UBXN2A: variants seen among roughly 807,000 people sequenced by gnomAD.
UBXN2A encodes UBX domain-containing protein 2A.
A neutral mutation model predicts 28.4 loss-of-function variants in UBXN2A; 28 were observed. The observed-to-expected ratio is 0.99, with a 90% CI of 0.73 to 1.35. The LOEUF is 1.35. Ranked by LOEUF, UBXN2A falls within the 40% of genes most tolerant of loss-of-function variation. The pLI is 0.00. For missense variants in UBXN2A, 253 were observed against 297.9 expected (o/e 0.85, Z 1.11); for synonymous variants, 97 against 103.6 (o/e 0.94, Z 0.39).
Position 23,984,513 on chromosome 2 carries a change from C to G in UBXN2A, c.426-160C>G, listed in dbSNP as rs190129773. Among the ~76,000 whole-genome samples, 22 of 152,170 alleles carry G rather than the reference C, an allele frequency of 1.4e-4. 1 individual carries two copies. In the East Asian group the frequency reaches 4.2e-3, roughly 29 times the overall value. On this transcript the variant is annotated intron_variant, in intron 5 of 6. Transcript: ENST00000309033. ...TCTTAGAACCATCATATATTGTGGA[C>G]ATAAATAATATATCTTTCTGTTATT... is the stretch of plus-strand genomic sequence containing the variant.
chr2:23,966,368 C>T (rs940310954), intron 2 of UBXN2A, among the ~76,000 whole-genome samples: 1 of 151,786 alleles, frequency 6.6e-6, no homozygotes, highest in African/African-American at 2.4e-5. Flanking sequence ...ATCTCTTGAC[C>T]TCGTGATCCG....
rs762603745 is a variant in UBXN2A, at chr2:23,999,911, G to A, written c.*44G>A. 1.9e-6 allele frequency: 3 copies of A among 1,589,804 alleles called. No homozygotes were observed. The highest frequency in any genetic ancestry group is 3.6e-5 in the Admixed American group (2 of 55,316). Reference sequence around the variant, plus strand: ...GAAAATTTGCAGAGAAATGATGGTTGTAAGTGGACATGCAAACCAAAATTG... The same window carrying A: ...GAAAATTTGCAGAGAAATGATGGTTATAAGTGGACATGCAAACCAAAATTG... On this transcript the variant is annotated 3_prime_UTR_variant, in exon 7 of 7. Coordinates refer to ENST00000309033, the MANE Select transcript of UBXN2A (RefSeq NM_181713.4).
At chr2:23,995,612 G>C (rs2150920117) in intron 6 of UBXN2A, among the ~76,000 whole-genome samples, 1 of 150,864 alleles carries the variant, frequency 6.6e-6, no homozygotes, top group African/African-American at 2.4e-5. Context: ...AGAATGGTGT[G>C]AACCCAGGGG....
rs1222861382 is a variant in UBXN2A at position 23,946,061 on chromosome 2, G to A, written c.-15+5413G>A. ...TGGCCAGCCTGGTCTCAAACTCCTG[G>A]CCTCAAGTGATTTGCCCCCTTGGGC... is the stretch of plus-strand genomic sequence containing the variant. On this transcript the variant is annotated intron_variant, in intron 1 of 6. Coordinates refer to ENST00000309033, the MANE Select transcript of UBXN2A (RefSeq NM_181713.4). Among the ~76,000 whole-genome samples the A allele has an allele frequency of 2.6e-5, 4 of 152,066 alleles. No individual in the cohort carries two copies. The East Asian group carries it at 7.7e-4, about 29-fold the overall frequency.
chr2:23,994,937 G>A (rs959173431), intron 6 of UBXN2A, among the ~76,000 whole-genome samples: 4 of 152,184 alleles, frequency 2.6e-5, no homozygotes, highest in African/African-American at 7.2e-5. Context: ...ACCCTTAGAA[G>A]TGGTGAAAAC....
At chr2:23,943,319 T>C (rs937749914) in intron 1 of UBXN2A, among the ~76,000 whole-genome samples, 1 of 152,018 alleles carries the variant, frequency 6.6e-6, no homozygotes, top group Admixed American at 6.6e-5. Context: ...GGGACAAGAA[T>C]GGAAATGAGG....
chr2:23,983,581 AG>A (rs1431458024), intron 5 of UBXN2A, among the ~76,000 whole-genome samples: 1 of 152,176 alleles, frequency 6.6e-6, no homozygotes, highest in African/African-American at 2.4e-5. Context: ...TCAAATCAAA[AG>A]GGCTTGGCTT....
At chr2:23,976,681 C>G (rs1243232834) in intron 3 of UBXN2A, among the ~76,000 whole-genome samples, 2 of 152,146 alleles carry the variant, frequency 1.3e-5, no homozygotes, top group African/African-American at 4.8e-5. Flanking sequence ...TCCCACAACA[C>G]ACGGGAATTC....
chr2:23,995,983 C>T (rs1708515941), intron 6 of UBXN2A, among the ~76,000 whole-genome samples: 1 of 151,342 alleles, frequency 6.6e-6, no homozygotes, highest in Non-Finnish European at 1.5e-5. Context: ...GCAACCTGCA[C>T]CACCTCCCAG....
rs184260806 is a variant in UBXN2A at position 23,957,920 on chromosome 2, G to A, written c.-14-381G>A. On this transcript the variant is annotated intron_variant, in intron 1 of 6. Transcript: ENST00000309033. The stretch of plus-strand genomic sequence containing the variant: ...TGGGATTACAGGCATGAGCCACTGC[G>A]CCTAGCCATTTTTTGTAGAGTCAGT... 3.0e-3 allele frequency among the ~76,000 whole-genome samples: 460 copies of A among 152,208 alleles called. 2 individuals are homozygous for A. The Middle Eastern group carries it at 0.037, about 12-fold the overall frequency.
At chr2:23,989,315 T>C (rs1224262672) in intron 6 of UBXN2A, among the ~76,000 whole-genome samples, 1 of 151,264 alleles carries the variant, frequency 6.6e-6, no homozygotes. Flanking sequence ...CCTTTTTTTT[T>C]TTTTTTGAGA....
upstream of UBXN2A, among the ~76,000 whole-genome samples, chr2:23,938,543 GC>G (rs754560724): frequency 4.2e-3 from 604 of 144,866 alleles, 3 homozygotes; most frequent in Admixed American, 0.015. Flanking sequence ...AATCCCAGTG[GC>G]CCCCCCCTCC....
chr2:23,959,563 T>C (rs913918162), intron 2 of UBXN2A, among the ~76,000 whole-genome samples: 1 of 152,126 alleles, frequency 6.6e-6, no homozygotes, highest in African/African-American at 2.4e-5. Context: ...ACCCCTAGTT[T>C]TGATGATTTA....
At chr2:23,965,349 G>A (rs748641371) in intron 2 of UBXN2A, among the ~76,000 whole-genome samples, 16 of 152,182 alleles carry the variant, frequency 1.1e-4, no homozygotes, top group Non-Finnish European at 2.2e-4. Flanking sequence ...GTTAGATGTA[G>A]GCTTTTGCAG....
chr2:23,952,818 G>A (rs973061618), intron 1 of UBXN2A, among the ~76,000 whole-genome samples: 2 of 152,046 alleles, frequency 1.3e-5, no homozygotes, highest in Admixed American at 1.3e-4. Flanking sequence ...GCCTCAAACA[G>A]TCCTCCCACT....
At chr2:23,983,660 A>G (rs1325257280) in intron 5 of UBXN2A, among the ~76,000 whole-genome samples, 1 of 152,032 alleles carries the variant, frequency 6.6e-6, no homozygotes. Flanking sequence ...GAGTACATGT[A>G]CTAGCTTTTG....
chr2:23,952,480 T>C (rs915058604), intron 1 of UBXN2A, among the ~76,000 whole-genome samples: 3 of 152,184 alleles, frequency 2.0e-5, no homozygotes, highest in African/African-American at 7.2e-5. Context: ...AGTCTTTCCC[T>C]GTCGCCCAGG....
At chr2:23,990,809 CAT>C (rs1276334810) in intron 6 of UBXN2A, among the ~76,000 whole-genome samples, 1 of 151,770 alleles carries the variant, frequency 6.6e-6, no homozygotes, top group Non-Finnish European at 1.5e-5. Flanking sequence ...TGGCTGCACA[CAT>C]AAACATGGAT....
intron 1 of UBXN2A, among the ~76,000 whole-genome samples, chr2:23,934,703 G>C (rs889578274): frequency 6.6e-6 from 1 of 152,208 alleles, no homozygotes; most frequent in East Asian, 1.9e-4. Flanking sequence ...AGTCAACACA[G>C]AAAGAAATTA....
Sources: allele counts gnomAD v4.1 joint callset (sites outside exome capture counted in the v4.1 genomes callset), GRCh38; gene constraint gnomAD v4.1.1; transcripts MANE v1.5; gene names NCBI Gene and HGNC (gene_info 2026-07-23, HGNC 2026-07-21).